FHIT: variants seen among roughly 807,000 people sequenced by gnomAD.
The protein encoded by FHIT is fragile histidine triad diadenosine triphosphatase, also known as bis(5'-adenosyl)-triphosphatase.
Under a neutral mutation model 17.9 loss-of-function variants are expected in FHIT, and 19 were observed. That is an observed-to-expected ratio of 1.06 (90% confidence interval 0.74 to 1.56). The LOEUF (loss-of-function observed/expected upper bound fraction) is 1.56. Ranked by LOEUF, FHIT falls within the 40% of genes most tolerant of loss-of-function variation. FHIT has a pLI of 0.00. For missense variants in FHIT, 248 were observed against 189.2 expected (o/e 1.31, Z -1.82); for synonymous variants, 81 against 69.7 (o/e 1.16, Z -0.81).
At chr3:60,346,169 C>T (rs942805794) in intron 5 of FHIT, among the ~76,000 whole-genome samples, 7 of 152,172 alleles carry the variant, frequency 4.6e-5, no homozygotes, top group South Asian at 2.1e-4. Flanking sequence ...AGAGTCCTCA[C>T]GCAATGTCCA....
chr3:60,101,050 C>A (rs1456706380), intron 5 of FHIT, among the ~76,000 whole-genome samples: 2 of 152,170 alleles, frequency 1.3e-5, no homozygotes, highest in African/African-American at 2.4e-5. Flanking sequence ...AGTCTACCCC[C>A]TAGGCCAGAC....
intron 5 of FHIT, among the ~76,000 whole-genome samples, chr3:60,253,663 A>T (rs948460348): frequency 9.2e-5 from 14 of 152,206 alleles, no homozygotes; most frequent in African/African-American, 3.1e-4. Context: ...CCACTGTCCA[A>T]TACTTAATAT....
chr3:60,909,477 T>C (rs192022631), intron 3 of FHIT, among the ~76,000 whole-genome samples: 5 of 152,252 alleles, frequency 3.3e-5, no homozygotes, highest in Non-Finnish European at 5.9e-5. Flanking sequence ...GATATGCTGA[T>C]AGTATATAAT....
At chr3:59,911,521 G>A (rs888326377) in intron 8 of FHIT, among the ~76,000 whole-genome samples, 2 of 152,138 alleles carry the variant, frequency 1.3e-5, no homozygotes, top group Non-Finnish European at 2.9e-5. Flanking sequence ...ACGGGTACAG[G>A]GGACAGAGCT....
intron 4 of FHIT, among the ~76,000 whole-genome samples, chr3:60,609,546 T>C (rs1421516580): frequency 1.3e-5 from 2 of 152,054 alleles, no homozygotes; most frequent in East Asian, 3.9e-4. Flanking sequence ...AGACTGGTCT[T>C]GAACTCCTGA....
At chr3:59,813,470 CCTGGAACGCTTA>C (rs1164194123) in intron 8 of FHIT, among the ~76,000 whole-genome samples, 2 of 152,072 alleles carry the variant, frequency 1.3e-5, no homozygotes, top group Non-Finnish European at 2.9e-5. Flanking sequence ...AATAATAATT[CCTGGAACGCTTA>C]CTTAATAATA....
At chr3:60,689,147 T>G (rs533256970) in intron 4 of FHIT, among the ~76,000 whole-genome samples, 1 of 152,330 alleles carries the variant, frequency 6.6e-6, no homozygotes, top group Admixed American at 6.5e-5. Flanking sequence ...TCTCTCTTTT[T>G]GCCTGCTGCC....
chr3:60,450,752 G>A (rs1027991140), intron 5 of FHIT, among the ~76,000 whole-genome samples: 1 of 152,036 alleles, frequency 6.6e-6, no homozygotes, highest in Admixed American at 6.6e-5. Context: ...AAAGTTGTGT[G>A]CAAGGAGCCA....
At chr3:59,809,979 A>T (rs1700350736) in intron 8 of FHIT, among the ~76,000 whole-genome samples, 1 of 152,034 alleles carries the variant, frequency 6.6e-6, no homozygotes, top group South Asian at 2.1e-4. Flanking sequence ...TTACTAGGGG[A>T]TACGTCAGTT....
chr3:60,869,205 C>A (rs1021350531), intron 3 of FHIT, among the ~76,000 whole-genome samples: 2 of 152,120 alleles, frequency 1.3e-5, no homozygotes, highest in East Asian at 3.9e-4. Context: ...AAGATCAATT[C>A]TAATTTTTGA....
intron 3 of FHIT, among the ~76,000 whole-genome samples, chr3:60,920,323 A>C (rs1388713585): frequency 6.6e-6 from 1 of 152,186 alleles, no homozygotes; most frequent in Non-Finnish European, 1.5e-5. Flanking sequence ...AGATTGCAGA[A>C]ATTATCAATT....
At chr3:59,871,386 T>C (rs1471145357) in intron 8 of FHIT, among the ~76,000 whole-genome samples, 1 of 152,192 alleles carries the variant, frequency 6.6e-6, no homozygotes, top group Non-Finnish European at 1.5e-5. Flanking sequence ...ATTTTCAAAA[T>C]GCTCTCTTAT....
intron 4 of FHIT, among the ~76,000 whole-genome samples, chr3:60,783,039 G>A (rs1351095109): frequency 1.3e-5 from 2 of 152,162 alleles, no homozygotes; most frequent in African/African-American, 2.4e-5. Context: ...CTGATGTGTA[G>A]TGGCACAATG....
chr3:60,805,977 A>G (rs564155945), intron 4 of FHIT, among the ~76,000 whole-genome samples: 2 of 152,240 alleles, frequency 1.3e-5, no homozygotes, highest in Non-Finnish European at 2.9e-5. Flanking sequence ...TCACAATGAC[A>G]TATACATATA....
chr3:60,553,583 A>C (rs1182116462), intron 4 of FHIT, among the ~76,000 whole-genome samples: 1 of 149,010 alleles, frequency 6.7e-6, no homozygotes, highest in Non-Finnish European at 1.5e-5. Flanking sequence ...CTTCTCATCT[A>C]GTCAAGAAAG....
chr3:59,941,000 G>A (rs1229961673), intron 7 of FHIT, among the ~76,000 whole-genome samples: 1 of 151,922 alleles, frequency 6.6e-6, no homozygotes, highest in Non-Finnish European at 1.5e-5. Flanking sequence ...CCATACTCAC[G>A]GCCATGATCC....
chr3:60,245,695 T>C (rs921624370), intron 5 of FHIT, among the ~76,000 whole-genome samples: 2 of 152,100 alleles, frequency 1.3e-5, no homozygotes, highest in Admixed American at 6.6e-5. Context: ...CTTCCAATTC[T>C]AGTGGAATTA....
At chr3:60,962,457 C>G (rs1288250257) in intron 3 of FHIT, among the ~76,000 whole-genome samples, 1 of 152,194 alleles carries the variant, frequency 6.6e-6, no homozygotes, top group Non-Finnish European at 1.5e-5. Context: ...GCCAGAATTT[C>G]CAACACTATG....
intron 5 of FHIT, among the ~76,000 whole-genome samples, chr3:60,408,985 A>C (rs1176580702): frequency 6.6e-6 from 1 of 152,142 alleles, no homozygotes; most frequent in African/African-American, 2.4e-5. Context: ...TCGAGTCTGG[A>C]GTCAGACTCG....
Sources: gnomAD v4.1 joint callset for allele counts (sites outside exome capture counted in the v4.1 genomes callset) on GRCh38, gnomAD v4.1.1 for gene constraint, MANE v1.5 for transcripts, NCBI Gene and HGNC (gene_info 2026-07-23, HGNC 2026-07-21) for gene names.